The following SGCD variants were observed in gnomAD, a reference collection of about 807,000 sequenced individuals.
The protein encoded by SGCD is delta-sarcoglycan.
A neutral mutation model predicts 36.6 loss-of-function variants in SGCD; 18 were observed. That is an observed-to-expected ratio of 0.49 (90% CI 0.34 to 0.73). SGCD has a LOEUF of 0.73. Ranked by LOEUF, SGCD falls within the 30% of genes least tolerant of loss-of-function variation. The probability of loss-of-function intolerance (pLI) is 0.01; values close to 1 mark genes in which losing one functional copy is unlikely to be tolerated. For missense variants in SGCD, 387 were observed against 346.7 expected (o/e 1.12, Z -0.92); for synonymous variants, 133 against 130.6 (o/e 1.02, Z -0.12).
chr5:156,036,617 G>T (rs1264902316), intron 1 of SGCD, among the ~76,000 whole-genome samples: 1 of 152,102 alleles, frequency 6.6e-6, no homozygotes, highest in Non-Finnish European at 1.5e-5. Context: ...TAACTTACTT[G>T]GGTTACTGTT....
At chr5:155,821,840 G>A in the SGCD span, among the ~76,000 whole-genome samples, 1 of 152,130 alleles carries the variant, frequency 6.6e-6, no homozygotes, top group African/African-American at 2.4e-5. Context: ...TAAAATATGT[G>A]AACTAAATAG....
At chr5:156,665,240 G>A (rs923557861) in intron 7 of SGCD, among the ~76,000 whole-genome samples, 33 of 151,984 alleles carry the variant, frequency 2.2e-4, no homozygotes, top group African/African-American at 6.5e-4. Flanking sequence ...CTTGTGCCTC[G>A]TGGTTTAGAC....
chr5:156,051,736 C>A (rs1759921258), intron 1 of SGCD, among the ~76,000 whole-genome samples: 1 of 145,354 alleles, frequency 6.9e-6, no homozygotes, highest in East Asian at 1.9e-4. Context: ...TAGGAAGGAA[C>A]AAGCATAGTG....
rs940927792 is a variant in SGCD, at chr5:156,498,544, G to C, written c.193-10057G>C. ...AATATGTGGTCTTTTATGTCTGTCT[G>C]CTTTCAGTTATCATAATTTTTGAGG... On this transcript the variant is annotated intron_variant, in intron 3 of 8. Transcript: ENST00000337851. 4.6e-5 allele frequency among the ~76,000 whole-genome samples: 7 copies of C among 152,270 alleles called. No homozygotes were observed. The East Asian group carries it at 1.4e-3, about 29-fold the overall frequency.
intron 4 of SGCD, among the ~76,000 whole-genome samples, chr5:156,544,445 C>A (rs1041058597): frequency 3.9e-5 from 6 of 152,084 alleles, no homozygotes; most frequent in African/African-American, 1.4e-4. Context: ...GTGAGAATTG[C>A]CACTCAGCCA....
At chr5:156,314,908 G>T (rs1767475957) in intron 3 of SGCD, among the ~76,000 whole-genome samples, 1 of 151,856 alleles carries the variant, frequency 6.6e-6, no homozygotes, top group African/African-American at 2.4e-5. Flanking sequence ...TTTTCCCCTA[G>T]CTTCATTGAG....
intron 3 of SGCD, among the ~76,000 whole-genome samples, chr5:156,237,448 A>T (rs767229005): frequency 7.2e-5 from 11 of 152,012 alleles, no homozygotes; most frequent in African/African-American, 1.2e-4. Context: ...AACACGGTGA[A>T]ACCCCCTCTC....
intron 3 of SGCD, among the ~76,000 whole-genome samples, chr5:156,490,530 G>A (rs1316307794): frequency 6.6e-6 from 1 of 151,528 alleles, no homozygotes; most frequent in Non-Finnish European, 1.5e-5. Flanking sequence ...TTTATCCCAG[G>A]GATTACAAGG....
At chr5:155,886,769 A>G (rs535006891) in intron 1 of SGCD, among the ~76,000 whole-genome samples, 5 of 152,222 alleles carry the variant, frequency 3.3e-5, no homozygotes, top group Non-Finnish European at 7.3e-5. Flanking sequence ...GAGATGCTCA[A>G]CTTCCCTGCA....
chr5:156,704,884 A>C (rs1754677540), intron 7 of SGCD, among the ~76,000 whole-genome samples: 1 of 151,828 alleles, frequency 6.6e-6, no homozygotes, highest in African/African-American at 2.4e-5. Context: ...ACCTGGTGGT[A>C]GCTTGCCTAG....
rs76134450 is a variant in SGCD at position 156,165,544 on chromosome 5, A to G, written c.-44+41525A>G. Reference sequence around the variant, plus strand: ...AAAAATGCAAGATGATGGATCCCAGATGTTTCAATTTGTACTATATACTGC... The same window carrying G: ...AAAAATGCAAGATGATGGATCCCAGGTGTTTCAATTTGTACTATATACTGC... On this transcript the variant is annotated intron_variant, in intron 3 of 9. Coordinates refer to the SGCD transcript ENST00000517913. Among the ~76,000 whole-genome samples the G allele has an allele frequency of 2.1e-3, 326 of 152,300 alleles. 3 individuals are homozygous for G. The highest frequency in any genetic ancestry group is 0.017 in the Middle Eastern group (5 of 294).
intron 4 of SGCD, among the ~76,000 whole-genome samples, chr5:156,557,215 A>G (rs918230125): frequency 6.6e-6 from 1 of 152,178 alleles, no homozygotes; most frequent in Non-Finnish European, 1.5e-5. Flanking sequence ...GCATAGTTAC[A>G]TCTGCAGCTG....
chr5:156,462,728 A>G (rs1388076207), intron 3 of SGCD, among the ~76,000 whole-genome samples: 1 of 152,214 alleles, frequency 6.6e-6, no homozygotes. Context: ...AATTCTCAAC[A>G]GAAAGGCTAT....
chr5:156,137,462 A>G (rs1484106608), intron 3 of SGCD, among the ~76,000 whole-genome samples: 1 of 152,232 alleles, frequency 6.6e-6, no homozygotes, highest in Non-Finnish European at 1.5e-5. Context: ...CATATTCCAG[A>G]TGGTCAGTCA....
At chr5:155,912,841 A>G (rs573423710) in intron 1 of SGCD, among the ~76,000 whole-genome samples, 1 of 151,532 alleles carries the variant, frequency 6.6e-6, no homozygotes, top group South Asian at 2.1e-4. Context: ...TAGTTTTCTT[A>G]TCTTCTTAAT....
At chr5:156,012,896 G>A (rs375190499) in intron 1 of SGCD, among the ~76,000 whole-genome samples, 3 of 151,142 alleles carry the variant, frequency 2.0e-5, no homozygotes, top group African/African-American at 2.4e-5. Flanking sequence ...GTGAGCCACC[G>A]CGCCCAGCCC....
chr5:155,735,744 A>G, the SGCD span, among the ~76,000 whole-genome samples: 3 of 152,178 alleles, frequency 2.0e-5, no homozygotes, highest in Non-Finnish European at 2.9e-5. Flanking sequence ...TTATTTACTG[A>G]TCGGGCAAAC....
chr5:156,568,975 A>G (rs1759608654), intron 4 of SGCD, among the ~76,000 whole-genome samples: 2 of 152,222 alleles, frequency 1.3e-5, no homozygotes, highest in Non-Finnish European at 2.9e-5. Flanking sequence ...GCCATACAGT[A>G]GTCACCATCT....
At chr5:156,188,667 C>CA (rs373671632) in intron 3 of SGCD, among the ~76,000 whole-genome samples, 32,957 of 102,474 alleles carry the variant, frequency 0.32, 3,789 homozygotes, top group Non-Finnish European at 0.41. Context: ...CCACCCCAAC[C>CA]GCCCCCCCCG....
Sources: gnomAD v4.1 joint callset for allele counts (sites outside exome capture counted in the v4.1 genomes callset) on GRCh38, gnomAD v4.1.1 for gene constraint, MANE v1.5 for transcripts, NCBI Gene and HGNC (gene_info 2026-07-23, HGNC 2026-07-21) for gene names.